The following CAPN9 variants were observed in gnomAD, a reference collection of about 807,000 sequenced individuals.
CAPN9 encodes the protein calpain 9.
Under a neutral mutation model 92.8 loss-of-function variants are expected in CAPN9, and 81 were observed. That is an observed-to-expected ratio of 0.87 (90% CI 0.73 to 1.05). The LOEUF is 1.05. Ranked by LOEUF, CAPN9 falls within the 50% of genes least tolerant of loss-of-function variation. The pLI is 0.00. For synonymous variants in CAPN9, 304 were observed against 328.0 expected (o/e 0.93, Z 0.79); for missense variants, 848 against 866.2 (o/e 0.98, Z 0.26).
chr1:230,760,436 C>T (rs1424403276), intron 3 of CAPN9, among the ~76,000 whole-genome samples: 1 of 152,180 alleles, frequency 6.6e-6, no homozygotes, highest in East Asian at 1.9e-4. Context: ...GACAGTGTCA[C>T]CTTCTCCTGA....
At position 230,780,176 on chromosome 1, in the gene CAPN9, C is replaced by G. The variant is rs1229319015; in HGVS notation, c.1115-3C>G. On this transcript the variant is annotated splice_polypyrimidine_tract_variant and splice_region_variant and intron_variant, in intron 9 of 19. Coordinates refer to ENST00000271971, the MANE Select transcript of CAPN9 (RefSeq NM_006615.3). ...AAAATAATCTACCTCTCCCAAATGA[C>G]AGATACCTTTTGGACCAATCCACAA... 1 of 1,610,216 alleles carries G rather than the reference C, an allele frequency of 6.2e-7. No homozygotes were observed. The highest frequency in any genetic ancestry group is 8.5e-7 in the Non-Finnish European group (1 of 1,178,786).
intron 13 of CAPN9, 122 bp from the exon 14 acceptor site, chr1:230,790,010 C>G: frequency 1.4e-6 from 1 of 705,396 alleles, no homozygotes; most frequent in Non-Finnish European, 2.4e-6. Flanking sequence ...CTGCCCACAG[C>G]AGGGTCCTGA....
chr1:230,775,502 T>C (rs1470825440), intron 8 of CAPN9, among the ~76,000 whole-genome samples: 1 of 152,222 alleles, frequency 6.6e-6, no homozygotes, highest in African/African-American at 2.4e-5. Context: ...CCTGTTTGGG[T>C]TCTAGAAGTT....
chr1:230,786,430 G>A (rs986958141), intron 12 of CAPN9, among the ~76,000 whole-genome samples: 4 of 152,216 alleles, frequency 2.6e-5, no homozygotes, highest in Non-Finnish European at 4.4e-5. Flanking sequence ...GAAAAAATGA[G>A]AAGGATTACA....
At position 230,778,939 on chromosome 1, in the gene CAPN9, C is replaced by G. The variant is rs183059984; in HGVS notation, c.954-34C>G. 3.3e-5 allele frequency: 53 copies of G among 1,589,388 alleles called. No homozygotes were observed. The East Asian group carries it at 1.1e-3, about 34-fold the overall frequency. ...AATGGATGATGCCCTCACTCTTGCC[C>G]TCCTGTGCATCGTGTCTCTCCGCTT... On this transcript the variant is annotated intron_variant, in intron 8 of 19. Coordinates refer to ENST00000271971, the MANE Select transcript of CAPN9 (RefSeq NM_006615.3).
intron 14 of CAPN9, among the ~76,000 whole-genome samples, chr1:230,790,855 G>A (rs144577594): frequency 6.6e-6 from 1 of 152,190 alleles, no homozygotes; most frequent in Non-Finnish European, 1.5e-5. Context: ...GGAAGCTGTG[G>A]CAGGAGAATT....
In CAPN9 at chr1:230,792,881, C is replaced by T; in HGVS notation, c.1823C>T (p.Ser608Phe). The T allele has an allele frequency of 6.2e-7, 1 of 1,614,132 alleles. No homozygotes were observed. The stretch of plus-strand genomic sequence containing the variant: ...TTCCTTCGGTTTGATGCTGACAAGT[C>T]CGGCACCATGTCTACCTATGAACTA... ...NLFLRFDADKSGTMSTYELRT... is the reference protein window; with the variant it reads ...NLFLRFDADKFGTMSTYELRT... Residue 608 changes from serine to phenylalanine, a missense_variant, in exon 17 of 20, where the codon TCC (serine) becomes TTC (phenylalanine). By Grantham distance (155) the Ser-to-Phe change is radical. Coordinates refer to ENST00000271971, the MANE Select transcript of CAPN9 (RefSeq NM_006615.3).
rs565919620 is a variant in CAPN9 at position 230,790,049 on chromosome 1, A to G, written c.1600-83A>G. 1,218 of 1,170,246 alleles carry G rather than the reference A, an allele frequency of 1.0e-3. 10 individuals carry two copies. In the Middle Eastern group the frequency reaches 0.03, roughly 29 times the overall value. 72.5% of individuals were successfully genotyped at this position (1,170,246 alleles called of 1,614,324 possible). A position where few individuals can be genotyped will look rare whatever the true frequency, so the allele number is the denominator to read the frequency against. On this transcript the variant is annotated intron_variant, in intron 13 of 19. Coordinates refer to ENST00000271971, the MANE Select transcript of CAPN9 (RefSeq NM_006615.3). ...CTGGTCTGTCACTGGAGCCAAATGA[A>G]GCTCAGAACTGATTTAAAACAAAAA...
chr1:230,758,927 T>C (rs1473794844), intron 2 of CAPN9, among the ~76,000 whole-genome samples: 1 of 152,260 alleles, frequency 6.6e-6, no homozygotes, highest in Admixed American at 6.5e-5. Context: ...GTTTGATGTT[T>C]GACTTCACTT....
chr1:230,792,610 A>G (rs1310046504), intron 16 of CAPN9, 116 bp downstream of exon 16: 2 of 846,500 alleles, frequency 2.4e-6, no homozygotes, highest in Non-Finnish European at 2.0e-6. Context: ...GTATTCGGAC[A>G]GGGGAGAAGG....
At chr1:230,765,411 C>A (rs533140095) in intron 4 of CAPN9, among the ~76,000 whole-genome samples, 31 of 152,262 alleles carry the variant, frequency 2.0e-4, no homozygotes, top group African/African-American at 6.7e-4. Flanking sequence ...GTAATCCCAG[C>A]ACTTTGGGAG....
intron 5 of CAPN9, 109 bp downstream of exon 5, chr1:230,767,818 G>A (rs1222031114): frequency 2.4e-5 from 25 of 1,040,964 alleles, no homozygotes; most frequent in Non-Finnish European, 3.4e-5. Flanking sequence ...CCAAGGAGGG[G>A]CATAACTCTT....
At chr1:230,764,379 C>G (rs992714814) in intron 4 of CAPN9, among the ~76,000 whole-genome samples, 1 of 152,204 alleles carries the variant, frequency 6.6e-6, no homozygotes, top group African/African-American at 2.4e-5. Flanking sequence ...GTTCTCAAAC[C>G]TTTGGACTCA....
chr1:230,777,379 G>C (rs1170151387), intron 8 of CAPN9, among the ~76,000 whole-genome samples: 2 of 152,060 alleles, frequency 1.3e-5, no homozygotes, highest in Non-Finnish European at 2.9e-5. Context: ...TGTGCGTGGA[G>C]CCCTTCCTCC....
At chr1:230,796,614 G>A (rs1312258223) in intron 18 of CAPN9, among the ~76,000 whole-genome samples, 1 of 152,148 alleles carries the variant, frequency 6.6e-6, no homozygotes, top group Non-Finnish European at 1.5e-5. Context: ...AGTATATCAA[G>A]CCAGGAAGCC....
At chr1:230,753,977 C>G (rs547656256) in intron 1 of CAPN9, among the ~76,000 whole-genome samples, 2 of 152,040 alleles carry the variant, frequency 1.3e-5, no homozygotes, top group African/African-American at 4.8e-5. Flanking sequence ...GCTCTTTTCT[C>G]TCCTGGTTTA....
At chr1:230,796,757 T>C (rs1668385590) in intron 18 of CAPN9, among the ~76,000 whole-genome samples, 1 of 152,154 alleles carries the variant, frequency 6.6e-6, no homozygotes, top group African/African-American at 2.4e-5. Flanking sequence ...TGCTAGTTTC[T>C]CTTCTCTCCA....
chr1:230,769,308 A>G, intron 6 of CAPN9, 45 bp downstream of exon 6: 1 of 1,337,108 alleles, frequency 7.5e-7, no homozygotes, highest in Non-Finnish European at 1.1e-6. Context: ...GAGACATGTG[A>G]CAATGCTAAT....
At chr1:230,773,734 C>T (rs28359662) in intron 7 of CAPN9, among the ~76,000 whole-genome samples, 2,466 of 152,258 alleles carry the variant, frequency 0.016, 79 homozygotes, top group African/African-American at 0.056. Context: ...GACCCTGGCC[C>T]GAGCACCTGG....
Sources: allele counts gnomAD v4.1 joint callset (sites outside exome capture counted in the v4.1 genomes callset), GRCh38; gene constraint gnomAD v4.1.1; transcripts MANE v1.5; gene names NCBI Gene and HGNC (gene_info 2026-07-23, HGNC 2026-07-21).